Variants in PNLDC1 observed in about 807,000 individuals in gnomAD.
PNLDC1 encodes PARN like ribonuclease domain containing exonuclease 1, also known as poly(A)-specific ribonuclease PNLDC1.
In PNLDC1, 70 loss-of-function variants were observed where a neutral mutation model predicts 82.0. That is an observed-to-expected ratio of 0.85 (90% confidence interval 0.70 to 1.04). PNLDC1 has a LOEUF of 1.04. Ranked by LOEUF, PNLDC1 falls within the 50% of genes least tolerant of loss-of-function variation. The probability of loss-of-function intolerance (pLI) is 0.00; values close to 1 mark genes in which losing one functional copy is unlikely to be tolerated. For synonymous variants in PNLDC1, 280 were observed against 249.3 expected, an observed-to-expected ratio of 1.12 and a Z score of -1.16; for missense variants, 631 against 661.1, an observed-to-expected ratio of 0.95 and a Z score of 0.50.
chr6:159,808,529 TAAAAA>T (rs751817467), intron 7 of PNLDC1, among the ~76,000 whole-genome samples: 3 of 127,402 alleles, frequency 2.4e-5, no homozygotes, highest in South Asian at 2.5e-4. Flanking sequence ...GGCCCTGAGA[TAAAAA>T]AAAAAAAAAA....
chr6:159,801,071 G>C, intron 2 of PNLDC1, 42 bp from the exon 3 acceptor site: 1 of 1,604,016 alleles, frequency 6.2e-7, no homozygotes, highest in Non-Finnish European at 8.5e-7. Flanking sequence ...TGCCGGGATG[G>C]GATGTCATTG....
At position 159,800,335 on chromosome 6, in the gene PNLDC1, G is replaced by A; in HGVS notation, c.28G>A (p.Glu10Lys). The part of the protein sequence containing the change: MDVGADEFE[E>K]SLPLLQELVQ... ...GGACGTGGGCGCCGACGAGTTCGAG[G>A]AGAGCCTCCCTCTGCTGCAGGAGCT... Residue 10 changes from glutamate to lysine, a missense_variant, in exon 1 of 19, where the codon GAG becomes AAG. Coordinates refer to ENST00000392167, the MANE Select transcript of PNLDC1 (RefSeq NM_001271862.2). The A allele has an allele frequency of 6.5e-7, 1 of 1,547,898 alleles. No individual in the cohort carries two copies. Among genetic ancestry groups the A allele is most frequent in the Non-Finnish European group, 8.7e-7 (1 of 1,146,414 alleles).
At chr6:159,800,216 G>T (rs1035191643), upstream of PNLDC1, 3 of 1,272,712 alleles carry the variant, frequency 2.4e-6, no homozygotes, top group South Asian at 2.8e-5. Flanking sequence ...CCATGTGTGC[G>T]CCCTTTAAGA....
chr6:159,805,639 A>G (rs546936197), intron 6 of PNLDC1: 8 of 205,114 alleles, frequency 3.9e-5, no homozygotes, highest in Non-Finnish European at 7.2e-5. Context: ...ATTATCCCAG[A>G]TAGAGACTTT....
rs908330296 is a variant in PNLDC1 at position 159,801,296 on chromosome 6, T to C, written c.208+110T>C. 48 of 1,052,482 alleles carry C rather than the reference T, an allele frequency of 4.6e-5. No individual in the cohort carries two copies. The African/African-American group carries it at 7.1e-4, about 15-fold the overall frequency. The allele number at this position is 1,052,482 out of a possible 1,614,324, so 65.2% of individuals were successfully genotyped here. On this transcript the variant is annotated intron_variant, in intron 3 of 18. Coordinates refer to ENST00000392167, the MANE Select transcript of PNLDC1 (RefSeq NM_001271862.2). ...TTTTTCAAGGATATTGAGTATCGTT[T>C]TGTATGCTTGTTTTGTGTTGGGCCA...
chr6:159,820,319 T>C (rs35694841), intron 18 of PNLDC1, 135 bp from the exon 19 acceptor site: 119,372 of 797,170 alleles, frequency 0.15, 10,370 homozygotes, highest in Non-Finnish European at 0.18. Context: ...AGAAGTTCAG[T>C]GTTGTCGTCG....
rs775310845 is a variant in PNLDC1, at chr6:159,803,253, C to G, written c.209-18C>G. ...TGCTTTTCCTTGGCATTCATTCCCT[C>G]TACGGTCATTCTTCCAGGATTGTCT... On this transcript the variant is annotated intron_variant, in intron 3 of 18. Coordinates refer to ENST00000392167, the MANE Select transcript of PNLDC1 (RefSeq NM_001271862.2). 1.2e-6 allele frequency: 2 copies of G among 1,613,872 alleles called. No homozygotes were observed. The highest frequency in any genetic ancestry group is 1.7e-6 in the Non-Finnish European group (2 of 1,179,756).
chr6:159,805,698 G>T, intron 6 of PNLDC1: 1 of 343,018 alleles, frequency 2.9e-6, no homozygotes, highest in Non-Finnish European at 5.6e-6. Context: ...AGCAATGCTT[G>T]GTATTGGCTA....
In PNLDC1 at chr6:159,813,618, G is replaced by A. The variant is rs775255630; in HGVS notation, c.957G>A (p.Arg319=). 1 of 1,613,484 alleles carries A rather than the reference G, an allele frequency of 6.2e-7. No individual in the cohort carries two copies. The highest frequency in any genetic ancestry group is 8.5e-7 in the Non-Finnish European group (1 of 1,179,416). ...GATTGTAGGAGATGAATTTCCCGAG[G>A]GTGTCGAATCTTTCGGAAGTCTATG... ...KDIWKEMNFP[R]VSNLSEVYEV... is the part of the protein sequence containing the mutation. The change falls in exon 12 of 19, where the codon AGG becomes AGA. Residue 319 remains arginine (R), a synonymous_variant. Transcript: ENST00000392167.
chr6:159,819,202 C>T lies in PNLDC1; in HGVS notation c.1434-52C>T. On this transcript the variant is annotated intron_variant, in intron 17 of 18. Transcript: ENST00000392167. This position sits in a 1 kb window ranked among gnomAD's most constrained non-coding sequence, Gnocchi z 4.6. ...TCTGACTCCACCCGCCTGATCACAG[C>T]AGGCGGCGCCATCCTGCTGCCTGGC... is the stretch of plus-strand genomic sequence containing the variant. 1 of 1,610,962 alleles carries T rather than the reference C, an allele frequency of 6.2e-7. No homozygotes were observed.
intron 5 of PNLDC1, 89 bp from the exon 6 acceptor site, chr6:159,804,460 C>G: frequency 3.4e-6 from 3 of 888,214 alleles, no homozygotes; most frequent in Non-Finnish European, 5.4e-6. Flanking sequence ...GTCTCCTTTC[C>G]CCTTTCTACC....
At chr6:159,801,032 G>A (rs1781232043) in intron 2 of PNLDC1, 81 bp from the exon 3 acceptor site, 20 of 1,515,418 alleles carry the variant, frequency 1.3e-5, no homozygotes, top group Non-Finnish European at 1.7e-5. Context: ...CCCCGGTTGC[G>A]AGTGGTGGTC....
chr6:159,804,708 T>A, intron 6 of PNLDC1, 71 bp downstream of exon 6: 2 of 1,222,062 alleles, frequency 1.6e-6, no homozygotes, highest in South Asian at 1.3e-5. Flanking sequence ...TGGGCGGGCG[T>A]GCCGTTTCCA....
chr6:159,819,125 G>A lies in PNLDC1; in HGVS notation c.1433+4G>A. On this transcript the variant is annotated splice_donor_region_variant and intron_variant, in intron 17 of 18. Coordinates refer to ENST00000392167, the MANE Select transcript of PNLDC1 (RefSeq NM_001271862.2). The surrounding 1 kb of genome is among the most constrained non-coding windows in gnomAD (Gnocchi z 4.6). ...TCCTGACCAATAAGTTTAAGGAGTAGGTGCCTCTAAGTCCGCGTCCCCCAC... is the reference window on the plus strand; with the variant it reads ...TCCTGACCAATAAGTTTAAGGAGTAAGTGCCTCTAAGTCCGCGTCCCCCAC... 1 of 1,613,650 alleles carries A rather than the reference G, an allele frequency of 6.2e-7. No individual in the cohort carries two copies. The highest frequency in any genetic ancestry group is 8.5e-7 in the Non-Finnish European group (1 of 1,179,736).
intron 3 of PNLDC1, among the ~76,000 whole-genome samples, chr6:159,802,596 A>T (rs962119598): frequency 2.0e-5 from 3 of 151,384 alleles, no homozygotes; most frequent in African/African-American, 7.3e-5. Flanking sequence ...TTTGGGGGGA[A>T]GGGGGACAGA....
At chr6:159,808,893 A>C in intron 8 of PNLDC1, 77 bp downstream of exon 8, 1 of 1,596,920 alleles carries the variant, frequency 6.3e-7, no homozygotes, top group Non-Finnish European at 8.6e-7. Flanking sequence ...GGCCTCTGAA[A>C]AGCTTTTATC....
At chr6:159,800,435 C>A (rs1583161988) in intron 1 of PNLDC1, 52 bp downstream of exon 1, 9 of 1,522,590 alleles carry the variant, frequency 5.9e-6, no homozygotes, top group Non-Finnish European at 7.1e-6. Context: ...TTGCCCCGGG[C>A]GAGCTTGAGG....
chr6:159,813,345 A>G (rs1781704660), intron 11 of PNLDC1, among the ~76,000 whole-genome samples: 1 of 151,978 alleles, frequency 6.6e-6, no homozygotes, highest in African/African-American at 2.4e-5. Context: ...TGTTGAACAC[A>G]TTTTCTAAGG....
At position 159,809,172 on chromosome 6, in the gene PNLDC1, T is replaced by C. The variant is rs375240862; in HGVS notation, c.783+14T>C. 3.3e-5 allele frequency: 53 copies of C among 1,612,868 alleles called. No homozygotes were observed. The highest frequency in any genetic ancestry group is 4.1e-5 in the Non-Finnish European group (48 of 1,179,812). ...AAAGCCCAGAAGGTAGGAAAACATG[T>C]CTCTTTTCTTGGCCTAAAGGCAGTC... On this transcript the variant is annotated intron_variant, in intron 9 of 18. Coordinates refer to ENST00000392167, the MANE Select transcript of PNLDC1 (RefSeq NM_001271862.2).
Sources: allele counts gnomAD v4.1 joint callset (sites outside exome capture counted in the v4.1 genomes callset), GRCh38; gene constraint gnomAD v4.1.1; non-coding constraint Gnocchi (gnomAD v3.1); transcripts MANE v1.5; gene names NCBI Gene and HGNC (gene_info 2026-07-23, HGNC 2026-07-21).